Variants in RAB11FIP3 observed in about 807,000 individuals in gnomAD.
RAB11FIP3 encodes rab11 family-interacting protein 3.
A neutral mutation model predicts 77.8 loss-of-function variants in RAB11FIP3; 17 were observed. The observed-to-expected ratio is 0.22, with a 90% CI of 0.15 to 0.33. The LOEUF (loss-of-function observed/expected upper bound fraction) is 0.33, where lower values mean the gene tolerates loss of function less well. Among genes scored for constraint, RAB11FIP3 ranks in the 10% least tolerant of loss-of-function variants. RAB11FIP3 has a pLI of 1.00. For synonymous variants in RAB11FIP3, 437 were observed against 448.2 expected, an observed-to-expected ratio of 0.98 and a Z score of 0.31; for missense variants, 1,005 against 1,011.2, an observed-to-expected ratio of 0.99 and a Z score of 0.08.
At chr16:436,486 G>A (rs765516173) in intron 1 of RAB11FIP3, among the ~76,000 whole-genome samples, 3 of 149,632 alleles carry the variant, frequency 2.0e-5, no homozygotes, top group African/African-American at 7.7e-5. Flanking sequence ...TTATTTATTT[G>A]TTTATTTATT....
intron 1 of RAB11FIP3, among the ~76,000 whole-genome samples, chr16:427,347 C>A (rs1184604201): frequency 6.6e-6 from 1 of 152,230 alleles, no homozygotes; most frequent in Non-Finnish European, 1.5e-5. Context: ...AGCCTCGGAG[C>A]TTGTTGGCAA....
In RAB11FIP3 at chr16:506,275, C is replaced by T. The variant is rs2031871737; in HGVS notation, c.1499+648C>T. ...GTTGTCTCATAGCCGATTTGCAGGACTGTTTCCGGTGCAAAGTAAGATGAG... is the reference window on the plus strand; with the variant it reads ...GTTGTCTCATAGCCGATTTGCAGGATTGTTTCCGGTGCAAAGTAAGATGAG... On this transcript the variant is annotated intron_variant, in intron 8 of 13. Coordinates refer to ENST00000262305, the MANE Select transcript of RAB11FIP3 (RefSeq NM_014700.4). The surrounding 1 kb of genome is among the most constrained non-coding windows in gnomAD (Gnocchi z 4.5). 6.6e-6 allele frequency among the ~76,000 whole-genome samples: 1 copy of T among 152,164 alleles called. No individual in the cohort carries two copies. The highest frequency in any genetic ancestry group is 2.1e-4 in the South Asian group (1 of 4,824).
chr16:443,235 G>A (rs1433282569), intron 1 of RAB11FIP3, among the ~76,000 whole-genome samples: 1 of 152,114 alleles, frequency 6.6e-6, no homozygotes, highest in Non-Finnish European at 1.5e-5. Flanking sequence ...CATTTGGAAC[G>A]GGTAAATCAA....
At chr16:462,982 C>T (rs1455643905) in intron 2 of RAB11FIP3, among the ~76,000 whole-genome samples, 21 of 152,182 alleles carry the variant, frequency 1.4e-4, no homozygotes, top group Admixed American at 1.3e-3. Flanking sequence ...GTGATGGGCA[C>T]GTTTGTGTAC....
At chr16:478,714 C>T (rs894585892) in intron 3 of RAB11FIP3, among the ~76,000 whole-genome samples, 1 of 152,112 alleles carries the variant, frequency 6.6e-6, no homozygotes, top group Non-Finnish European at 1.5e-5. Flanking sequence ...GCCTATAATC[C>T]CAGCACTTTG....
rs548128197 is a variant in RAB11FIP3 at position 518,959 on chromosome 16, G to A, written c.1657G>A (p.Glu553Lys). 1.4e-5 allele frequency: 22 copies of A among 1,613,704 alleles called. No individual in the cohort carries two copies. Among genetic ancestry groups the A allele is most frequent in the South Asian group, 6.6e-5 (6 of 91,090 alleles). ...GTGTCCCAGGCTACAGCAACTGGAC[G>A]AGGAGAACAGTGAACTCCGGTCCTG... is the stretch of plus-strand genomic sequence containing the variant. ...NLQTRLQQLDEENSELRSCTP... is the reference protein window; with the variant it reads ...NLQTRLQQLDKENSELRSCTP... Residue 553 changes from glutamate (E) to lysine (K), a missense_variant, in exon 10 of 14, where the codon GAG becomes AAG. By Grantham distance (56) the Glu-to-Lys change is moderately conservative. Transcript: ENST00000262305.
At chr16:444,045 G>C (rs2055271843) in intron 1 of RAB11FIP3, among the ~76,000 whole-genome samples, 1 of 152,132 alleles carries the variant, frequency 6.6e-6, no homozygotes. Context: ...TTTCGTTCTT[G>C]TGCGTGTCTG....
chr16:518,963 A>G lies in RAB11FIP3; in HGVS notation c.1661A>G (p.Glu554Gly). Residue 554 changes from glutamate to glycine, a missense_variant, in exon 10 of 14, where the codon GAG becomes GGG. Around this residue, in one of 4 missense-constraint regions of RAB11FIP3, gnomAD observed 433 missense variants for 436.1 expected, o/e 0.99. Coordinates refer to ENST00000262305, the MANE Select transcript of RAB11FIP3 (RefSeq NM_014700.4). ...CCCAGGCTACAGCAACTGGACGAGG[A>G]GAACAGTGAACTCCGGTCCTGCACG... is the stretch of plus-strand genomic sequence containing the variant. Reference protein sequence around the residue: ...LQTRLQQLDEENSELRSCTPC... With the variant: ...LQTRLQQLDEGNSELRSCTPC... 6.2e-7 allele frequency: 1 copy of G among 1,613,698 alleles called. No individual in the cohort carries two copies. Among genetic ancestry groups the G allele is most frequent in the Non-Finnish European group, 8.5e-7 (1 of 1,180,004 alleles).
chr16:482,951 C>T (rs900336080), intron 4 of RAB11FIP3, among the ~76,000 whole-genome samples: 1 of 144,890 alleles, frequency 6.9e-6, no homozygotes, highest in East Asian at 2.0e-4. Context: ...TTCCAGCTGA[C>T]TTTCCTGTCA....
At chr16:482,238 G>A (rs184914976) in intron 3 of RAB11FIP3, 1 of 569,462 alleles carries the variant, frequency 1.8e-6, no homozygotes, top group African/African-American at 1.9e-5. Context: ...TGTATTTTTG[G>A]TAGAGACAAA....
In RAB11FIP3 at chr16:505,650, G is replaced by C. The variant is rs369174636; in HGVS notation, c.1499+23G>C. 1.1e-4 allele frequency: 176 copies of C among 1,553,932 alleles called. No individual in the cohort carries two copies. Among genetic ancestry groups the C allele is most frequent in the Non-Finnish European group, 1.4e-4 (159 of 1,152,032 alleles). The stretch of plus-strand genomic sequence containing the variant: ...CAGGTGAGCCTGGGCCAGGAGACCC[G>C]GGCCTCTGCGTGGCGCCTCCTGTGC... On this transcript the variant is annotated intron_variant, in intron 8 of 13. Transcript: ENST00000262305. This position sits in a 1 kb window ranked among gnomAD's most constrained non-coding sequence, Gnocchi z 4.0.
chr16:504,704 G>C (rs111163708), intron 7 of RAB11FIP3, among the ~76,000 whole-genome samples: 9 of 1,694 alleles, frequency 5.3e-3, no homozygotes, highest in Non-Finnish European at 7.8e-3. Context: ...CTCCTGTACC[G>C]CCTCACCTCC....
At chr16:473,290 A>G (rs1270313865) in intron 3 of RAB11FIP3, among the ~76,000 whole-genome samples, 5 of 152,162 alleles carry the variant, frequency 3.3e-5, no homozygotes, top group Non-Finnish European at 1.5e-5. Flanking sequence ...TCCTTCTCAT[A>G]TTTTTAGATC....
At chr16:485,614 T>C (rs1386324417) in intron 4 of RAB11FIP3, among the ~76,000 whole-genome samples, 1 of 152,228 alleles carries the variant, frequency 6.6e-6, no homozygotes, top group African/African-American at 2.4e-5. Context: ...TGTTTCACCA[T>C]CTTGCCCAGG....
chr16:436,083 G>A (rs1163497745), intron 1 of RAB11FIP3, among the ~76,000 whole-genome samples: 4 of 152,120 alleles, frequency 2.6e-5, no homozygotes, highest in African/African-American at 4.8e-5. Flanking sequence ...GGCCGACGCC[G>A]GCGACTCACA....
At chr16:479,893 G>T (rs2055999034) in intron 3 of RAB11FIP3, among the ~76,000 whole-genome samples, 1 of 152,064 alleles carries the variant, frequency 6.6e-6, no homozygotes, top group Admixed American at 6.6e-5. Context: ...ACTCCAGCCT[G>T]GGTCTCAAAG....
chr16:477,895 T>C (rs1303767033), intron 3 of RAB11FIP3, among the ~76,000 whole-genome samples: 1 of 152,238 alleles, frequency 6.6e-6, no homozygotes, highest in Admixed American at 6.5e-5. Flanking sequence ...AGTCCTTGTT[T>C]CTGTGCTTTG....
rs150278134 is a variant in RAB11FIP3 at position 508,788 on chromosome 16, C to A, written c.1500-1872C>A. ...TCTGTCTGAACATCTGCTAGTCACA[C>A]AGTGGGCCTTCTGGATGTTTCCTCT... On this transcript the variant is annotated intron_variant, in intron 8 of 13. Coordinates refer to ENST00000262305, the MANE Select transcript of RAB11FIP3 (RefSeq NM_014700.4). 7.5e-3 allele frequency among the ~76,000 whole-genome samples: 1,147 copies of A among 152,336 alleles called. 9 individuals are homozygous for A. Among genetic ancestry groups the A allele is most frequent in the South Asian group, 0.02 (96 of 4,826 alleles).
At chr16:468,114 G>A (rs1274702781) in intron 2 of RAB11FIP3, among the ~76,000 whole-genome samples, 6 of 36,310 alleles carry the variant, frequency 1.7e-4, no homozygotes, top group East Asian at 7.4e-4. Flanking sequence ...AGGTGCTGGG[G>A]CCTCAGGGAG....
Sources: allele counts gnomAD v4.1 joint callset (sites outside exome capture counted in the v4.1 genomes callset), GRCh38; gene constraint gnomAD v4.1.1; regional missense constraint gnomAD v4.1.1; non-coding constraint Gnocchi (gnomAD v3.1); transcripts MANE v1.5; gene names NCBI Gene and HGNC (gene_info 2026-07-23, HGNC 2026-07-21).